Variants in STAMBP observed in about 807,000 individuals in gnomAD.
STAMBP encodes the protein STAM binding protein.
STAMBP carries 31 observed loss-of-function variants against 50.7 expected under a neutral mutation model. The observed-to-expected ratio is 0.61, with a 90% CI of 0.46 to 0.83. STAMBP has a LOEUF of 0.83. Ranked by LOEUF, STAMBP falls within the 40% of genes least tolerant of loss-of-function variation. STAMBP has a pLI of 0.00. For missense variants in STAMBP, 472 were observed against 518.9 expected (o/e 0.91, Z 0.88); for synonymous variants, 211 against 192.4 (o/e 1.10, Z -0.80).
At chr2:73,846,274 C>CCATAAAAAT (rs773927410) in intron 4 of STAMBP, among the ~76,000 whole-genome samples, 17 of 151,548 alleles carry the variant, frequency 1.1e-4, no homozygotes, top group Non-Finnish European at 2.4e-4. Context: ...TGCACAAAAA[C>CCATAAAAAT]CATAAAAATT....
intron 4 of STAMBP, 83 bp downstream of exon 4, chr2:73,845,345 C>A (rs2104464689): frequency 3.1e-6 from 3 of 968,236 alleles, no homozygotes; most frequent in South Asian, 1.5e-5. Flanking sequence ...TTCAATATAT[C>A]CTGTGCTTTT....
At chr2:73,868,329 T>C (rs897257096), downstream of STAMBP, among the ~76,000 whole-genome samples, 1 of 152,082 alleles carries the variant, frequency 6.6e-6, no homozygotes, top group African/African-American at 2.4e-5. Flanking sequence ...TGCATCCTCA[T>C]GTAGGACTTG....
chr2:73,829,657 T>A (rs1457479056), intron 1 of STAMBP, 147 bp downstream of exon 1: 1 of 152,254 alleles, frequency 6.6e-6, no homozygotes, highest in African/African-American at 2.4e-5. Context: ...TATCTCTGCA[T>A]CCCTAGTAGT....
At chr2:73,858,039 G>A (rs926133257) in intron 7 of STAMBP, among the ~76,000 whole-genome samples, 1 of 151,566 alleles carries the variant, frequency 6.6e-6, no homozygotes, top group Non-Finnish European at 1.5e-5. Flanking sequence ...CTGGAGTGCA[G>A]TGGCGCGATC....
intron 2 of STAMBP, among the ~76,000 whole-genome samples, chr2:73,837,768 A>C (rs1674907104): frequency 6.6e-6 from 1 of 152,146 alleles, no homozygotes; most frequent in Non-Finnish European, 1.5e-5. Context: ...CAGATGCCAG[A>C]AGGATCCATG....
At chr2:73,859,404 G>A (rs1678010496) in intron 8 of STAMBP, 38 bp downstream of exon 8, 1 of 1,531,996 alleles carries the variant, frequency 6.5e-7, no homozygotes, top group Non-Finnish European at 9.0e-7. Flanking sequence ...GTTTCAAGGG[G>A]GTAGTAGGGA....
At chr2:73,867,867 G>A (rs1679020408), downstream of STAMBP, among the ~76,000 whole-genome samples, 1 of 151,946 alleles carries the variant, frequency 6.6e-6, no homozygotes, top group Non-Finnish European at 1.5e-5. Flanking sequence ...GCTTACGCCT[G>A]TAATCCCAGC....
At chr2:73,870,016 G>A (rs957625348), downstream of STAMBP, 1 of 152,204 alleles carries the variant, frequency 6.6e-6, no homozygotes, top group Non-Finnish European at 1.5e-5. Flanking sequence ...TTATCTGTAG[G>A]TGATAGAATT....
intron 2 of STAMBP, among the ~76,000 whole-genome samples, chr2:73,839,373 CCCAGAAGGG>C (rs1354512249): frequency 1.3e-5 from 2 of 152,186 alleles, no homozygotes; most frequent in Non-Finnish European, 2.9e-5. Flanking sequence ...AACTAGGCTG[CCCAGAAGGG>C]AGTGAGAGTA....
intron 2 of STAMBP, among the ~76,000 whole-genome samples, chr2:73,844,143 T>C (rs1675776619): frequency 6.6e-6 from 1 of 152,210 alleles, no homozygotes; most frequent in African/African-American, 2.4e-5. Context: ...AAGTTTATTC[T>C]CCCCACTGAG....
At chr2:73,857,226 A>G (rs1677661085) in intron 7 of STAMBP, among the ~76,000 whole-genome samples, 1 of 152,032 alleles carries the variant, frequency 6.6e-6, no homozygotes, top group African/African-American at 2.4e-5. Context: ...TACCTGTTTA[A>G]TGGCCCGATG....
At chr2:73,834,224 AAAAAAAAAAAAAATATATATAT>A (rs1189514628) in intron 2 of STAMBP, among the ~76,000 whole-genome samples, 19 of 25,464 alleles carry the variant, frequency 7.5e-4, no homozygotes, top group Non-Finnish European at 1.2e-3. Flanking sequence ...AAAAAAAAAA[AAAAAAAAAAAAAATATATATAT>A]ATATATATAT....
At chr2:73,835,234 A>G (rs963200155) in intron 2 of STAMBP, among the ~76,000 whole-genome samples, 9 of 151,898 alleles carry the variant, frequency 5.9e-5, no homozygotes, top group Non-Finnish European at 1.2e-4. Flanking sequence ...CACGTCTACA[A>G]TCCCAGCTAC....
At chr2:73,841,885 C>T (rs868755485) in intron 2 of STAMBP, among the ~76,000 whole-genome samples, 1 of 152,180 alleles carries the variant, frequency 6.6e-6, no homozygotes, top group Non-Finnish European at 1.5e-5. Context: ...GCCCATCTAT[C>T]CCCATTCAGA....
In STAMBP at chr2:73,863,965, A is replaced by C. The variant is rs1482531444; in HGVS notation, c.*1706A>C. On this transcript the variant is annotated 3_prime_UTR_variant, in exon 10 of 10. Transcript: ENST00000394070. ...GCTCAAAAACCTGCAATAGCTTCCC[A>C]TTGCTGAAAATCTAAATTTAGCTTT... 2.0e-5 allele frequency: 3 copies of C among 152,164 alleles called. No individual in the cohort carries two copies. The highest frequency in any genetic ancestry group is 7.2e-5 in the African/African-American group (3 of 41,434). 9.4% of individuals were successfully genotyped at this position (152,164 alleles called of 1,614,324 possible). A position where few individuals can be genotyped will look rare whatever the true frequency, so the allele number is the denominator to read the frequency against.
chr2:73,870,130 C>T (rs1679144449), downstream of STAMBP: 1 of 152,076 alleles, frequency 6.6e-6, no homozygotes, highest in Non-Finnish European at 1.5e-5. Context: ...AGGACAATAC[C>T]TTCTATTTTC....
At chr2:73,835,737 G>A (rs1030897923) in intron 2 of STAMBP, among the ~76,000 whole-genome samples, 1 of 152,188 alleles carries the variant, frequency 6.6e-6, no homozygotes, top group Non-Finnish European at 1.5e-5. Context: ...GGTAGTCCAT[G>A]TATTGAGATG....
intron 2 of STAMBP, among the ~76,000 whole-genome samples, chr2:73,840,130 T>TG (rs1432627313): frequency 6.6e-6 from 1 of 152,164 alleles, no homozygotes; most frequent in African/African-American, 2.4e-5. Context: ...TACTCTATGG[T>TG]GGGGAGGAAT....
chr2:73,840,753 AAAAT>A (rs1455454688), intron 2 of STAMBP, among the ~76,000 whole-genome samples: 2 of 151,038 alleles, frequency 1.3e-5, no homozygotes, highest in South Asian at 2.1e-4. Context: ...CAAAAAAAAA[AAAAT>A]AAATAAATCA....
Sources: gnomAD v4.1 joint callset for allele counts (sites outside exome capture counted in the v4.1 genomes callset) on GRCh38, gnomAD v4.1.1 for gene constraint, MANE v1.5 for transcripts, NCBI Gene and HGNC (gene_info 2026-07-23, HGNC 2026-07-21) for gene names.